DGKI: variants seen among roughly 807,000 people sequenced by gnomAD.
The protein encoded by DGKI is diacylglycerol kinase iota, also known as DAG kinase iota.
DGKI carries 55 observed loss-of-function variants against 147.5 expected under a neutral mutation model. That is an observed-to-expected ratio of 0.37 (90% CI 0.30 to 0.47). The LOEUF (loss-of-function observed/expected upper bound fraction) is 0.47, where lower values mean the gene tolerates loss of function less well. Among genes scored for constraint, DGKI ranks in the 20% least tolerant of loss-of-function variants. The pLI is 1.00. For synonymous variants in DGKI, 469 were observed against 477.1 expected (o/e 0.98, Z 0.22); for missense variants, 1,007 against 1,323.8 (o/e 0.76, Z 3.71).
At chr7:137,479,240 C>A (rs1815285231) in intron 23 of DGKI, among the ~76,000 whole-genome samples, 1 of 152,160 alleles carries the variant, frequency 6.6e-6, no homozygotes, top group Admixed American at 6.5e-5. Flanking sequence ...ATGCTCCTTT[C>A]TATTTTAAAT....
intron 3 of DGKI, among the ~76,000 whole-genome samples, chr7:137,664,304 G>T (rs531983187): frequency 4.0e-5 from 6 of 150,780 alleles, no homozygotes; most frequent in African/African-American, 7.4e-5. Flanking sequence ...CTTGAACCTG[G>T]GAGGTGGAGG....
chr7:137,397,843 A>C (rs567354281), intron 30 of DGKI, among the ~76,000 whole-genome samples: 102 of 152,354 alleles, frequency 6.7e-4, no homozygotes, highest in African/African-American at 2.4e-3. Flanking sequence ...TATACGTATC[A>C]TCTAGGGTAC....
intron 20 of DGKI, among the ~76,000 whole-genome samples, chr7:137,533,657 ACCTTTCTT>A (rs1337504588): frequency 6.6e-6 from 1 of 152,150 alleles, no homozygotes; most frequent in East Asian, 1.9e-4. Flanking sequence ...GGACATAGCC[ACCTTTCTT>A]AAGAGCAGTA....
At chr7:137,708,552 T>C (rs987874333) in intron 1 of DGKI, among the ~76,000 whole-genome samples, 1 of 152,228 alleles carries the variant, frequency 6.6e-6, no homozygotes, top group African/African-American at 2.4e-5. Flanking sequence ...TAAATATATT[T>C]AGCAAAAAGA....
Position 137,541,654 on chromosome 7 carries a change from A to G in DGKI, c.2147+10715T>C, listed in dbSNP as rs540160849. On this transcript the variant is annotated intron_variant, in intron 20 of 32. Transcript: ENST00000614521. Reference sequence around the variant, plus strand: ...GGTAGAGTTGTAAAGGCAATTCAATAGGAAAAGATAATTTTTTCATAAATG... The same window carrying G: ...GGTAGAGTTGTAAAGGCAATTCAATGGGAAAAGATAATTTTTTCATAAATG... Among the ~76,000 whole-genome samples, 15 of 152,322 alleles carry G rather than the reference A, an allele frequency of 9.8e-5. 1 individual carries two copies. The South Asian group carries it at 2.9e-3, about 29-fold the overall frequency.
At position 137,579,436 on chromosome 7, in the gene DGKI, T is replaced by TAAA. The variant is rs71533758; in HGVS notation, c.1643-1114_1643-1112dup. On this transcript the variant is annotated intron_variant, in intron 15 of 32. Transcript: ENST00000614521. ...GGAAAATACAAATGAACAGAAACAG[T>TAAA]AAAAAAAAAAAAAAAGAAAGAAAAA... Among the ~76,000 whole-genome samples the TAAA allele has an allele frequency of 1.6e-3, 175 of 108,186 alleles. 1 individual carries two copies. Among genetic ancestry groups the TAAA allele is most frequent in the African/African-American group, 5.1e-3 (165 of 32,134 alleles). 71.0% of individuals were successfully genotyped at this position (108,186 alleles called of 152,430 possible). A position where few individuals can be genotyped will look rare whatever the true frequency, so the allele number is the denominator to read the frequency against.
At chr7:137,656,616 G>C (rs1822234245) in intron 3 of DGKI, 76 bp from the exon 4 acceptor site, 6 of 1,330,522 alleles carry the variant, frequency 4.5e-6, no homozygotes, top group Non-Finnish European at 6.4e-6. Flanking sequence ...ATTAAAGTGG[G>C]CATATATAAT....
chr7:137,738,731 C>A lies in DGKI; in HGVS notation c.402-48729G>T, dbSNP rs199554280. On this transcript the variant is annotated intron_variant, in intron 1 of 32. Coordinates refer to ENST00000614521, the MANE Select transcript of DGKI (RefSeq NM_001321708.2). ...TCACAGAGAAGATGAGGTTCCCCCC[C>A]CCCCTTTCCTTTTCATATCCGATTT... Among the ~76,000 whole-genome samples the A allele has an allele frequency of 6.6e-5, 10 of 150,442 alleles. No homozygotes were observed. In the South Asian group the frequency reaches 1.5e-3, roughly 22 times the overall value.
chr7:137,590,718 G>A (rs978191370), intron 12 of DGKI, among the ~76,000 whole-genome samples: 1 of 152,066 alleles, frequency 6.6e-6, no homozygotes, highest in Non-Finnish European at 1.5e-5. Context: ...TCTTTTTTGA[G>A]ACAGAGTTTC....
chr7:137,440,928 ACTC>A (rs1360647800), intron 28 of DGKI, among the ~76,000 whole-genome samples: 6 of 152,022 alleles, frequency 3.9e-5, no homozygotes, highest in African/African-American at 1.4e-4. Flanking sequence ...TAAACATTTT[ACTC>A]CTCCTCACCC....
intron 12 of DGKI, among the ~76,000 whole-genome samples, chr7:137,590,135 T>G (rs974952918): frequency 1.3e-5 from 2 of 151,992 alleles, no homozygotes; most frequent in Admixed American, 1.3e-4. Flanking sequence ...GTCTTGCAAA[T>G]AGCAGAGGAA....
chr7:137,394,942 G>A (rs1416051947), intron 32 of DGKI, among the ~76,000 whole-genome samples: 1 of 152,148 alleles, frequency 6.6e-6, no homozygotes, highest in Non-Finnish European at 1.5e-5. Context: ...ACTGGTCCAA[G>A]GGTATGTGTA....
intron 1 of DGKI, among the ~76,000 whole-genome samples, chr7:137,809,859 G>A (rs1474330014): frequency 2.6e-5 from 4 of 151,740 alleles, no homozygotes; most frequent in African/African-American, 9.7e-5. Flanking sequence ...AGCCATGATC[G>A]CACCACTGCA....
chr7:137,710,554 T>C (rs1001148194), intron 1 of DGKI, among the ~76,000 whole-genome samples: 1 of 152,116 alleles, frequency 6.6e-6, no homozygotes, highest in African/African-American at 2.4e-5. Context: ...GTTCCCACAA[T>C]AATTGCTTAT....
At chr7:137,551,029 G>T (rs1818027260) in intron 20 of DGKI, among the ~76,000 whole-genome samples, 1 of 152,154 alleles carries the variant, frequency 6.6e-6, no homozygotes, top group South Asian at 2.1e-4. Context: ...AGGCAGGGAG[G>T]GCAGCAGGCA....
At chr7:137,729,999 G>A (rs1157648005) in intron 1 of DGKI, among the ~76,000 whole-genome samples, 1 of 152,046 alleles carries the variant, frequency 6.6e-6, no homozygotes, top group African/African-American at 2.4e-5. Flanking sequence ...AGTGTTTCCT[G>A]TGAGTTTGAA....
chr7:137,493,699 G>C (rs1815856486), intron 21 of DGKI: 1 of 697,820 alleles, frequency 1.4e-6, no homozygotes, highest in Non-Finnish European at 2.6e-6. Context: ...CAACTTCAAA[G>C]ACTGAAGGAA....
At chr7:137,642,095 T>A (rs1563127913) in intron 6 of DGKI, among the ~76,000 whole-genome samples, 1 of 152,152 alleles carries the variant, frequency 6.6e-6, no homozygotes, top group Non-Finnish European at 1.5e-5. Context: ...GACTACAGGT[T>A]TGCATTAAAC....
At chr7:137,421,776 G>A (rs1812580897) in intron 28 of DGKI, among the ~76,000 whole-genome samples, 1 of 152,174 alleles carries the variant, frequency 6.6e-6, no homozygotes, top group African/African-American at 2.4e-5. Context: ...ATCTTTCACT[G>A]AAATCTCTAT....
Sources: gnomAD v4.1 joint callset for allele counts (sites outside exome capture counted in the v4.1 genomes callset) on GRCh38, gnomAD v4.1.1 for gene constraint, MANE v1.5 for transcripts, NCBI Gene and HGNC (gene_info 2026-07-23, HGNC 2026-07-21) for gene names.